ASCC3: variants seen among roughly 807,000 people sequenced by gnomAD.
ASCC3 encodes activating signal cointegrator 1 complex subunit 3, also known as ASC-1 complex subunit P200.
In ASCC3, 158 loss-of-function variants were observed where a neutral mutation model predicts 256.3. The observed-to-expected ratio is 0.62, with a 90% confidence interval of 0.54 to 0.70. The LOEUF (loss-of-function observed/expected upper bound fraction) is 0.70, where lower values mean the gene tolerates loss of function less well. Ranked by LOEUF, ASCC3 falls within the 30% of genes least tolerant of loss-of-function variation. The pLI, the probability that ASCC3 is intolerant of heterozygous loss-of-function variation, is 0.00. For missense variants in ASCC3, 2,259 were observed against 2,626.0 expected, an observed-to-expected ratio of 0.86 and a Z score of 3.05; for synonymous variants, 948 against 883.4, an observed-to-expected ratio of 1.07 and a Z score of -1.30.
intron 37 of ASCC3, among the ~76,000 whole-genome samples, chr6:100,520,570 A>T (rs1169987698): frequency 2.6e-5 from 4 of 152,144 alleles, no homozygotes; most frequent in Non-Finnish European, 5.9e-5. Context: ...GGTACAGTCA[A>T]GCACCACATA....
At chr6:100,880,515 A>C (rs2114583995) in intron 1 of ASCC3, among the ~76,000 whole-genome samples, 1 of 152,308 alleles carries the variant, frequency 6.6e-6, no homozygotes, top group East Asian at 1.9e-4. Flanking sequence ...TAAGAAACCT[A>C]TTTGAAATGA....
At chr6:100,831,268 T>C (rs1263503124) in intron 4 of ASCC3, among the ~76,000 whole-genome samples, 2 of 151,120 alleles carry the variant, frequency 1.3e-5, no homozygotes, top group East Asian at 3.9e-4. Context: ...ACTGGTATTA[T>C]CAATTAAAAT....
intron 4 of ASCC3, among the ~76,000 whole-genome samples, chr6:100,821,092 C>T (rs1210201736): frequency 6.6e-6 from 1 of 152,126 alleles, no homozygotes; most frequent in Admixed American, 6.5e-5. Context: ...TACAGTGGTA[C>T]AATCATGGCT....
At chr6:100,707,970 G>T (rs1402904958) in intron 13 of ASCC3, among the ~76,000 whole-genome samples, 1 of 151,946 alleles carries the variant, frequency 6.6e-6, no homozygotes, top group Non-Finnish European at 1.5e-5. Context: ...ACCCCACCTG[G>T]ATTTTCTCTC....
At chr6:100,681,603 T>C (rs1044370438) in intron 13 of ASCC3, among the ~76,000 whole-genome samples, 3 of 151,028 alleles carry the variant, frequency 2.0e-5, no homozygotes, top group African/African-American at 7.3e-5. Flanking sequence ...GGTGCGTGCC[T>C]GTAATCTCAG....
At chr6:100,734,025 C>T (rs571720576) in intron 10 of ASCC3, among the ~76,000 whole-genome samples, 1 of 152,228 alleles carries the variant, frequency 6.6e-6, no homozygotes, top group East Asian at 1.9e-4. Context: ...GTTGTCAGAG[C>T]GAGTTGTCCA....
intron 33 of ASCC3, among the ~76,000 whole-genome samples, chr6:100,602,689 G>A (rs969558276): frequency 1.2e-4 from 18 of 152,024 alleles, no homozygotes; most frequent in African/African-American, 4.1e-4. Flanking sequence ...AAATATTAAA[G>A]TCCCTAGTCA....
At chr6:100,536,330 T>TA (rs1444406627) in intron 37 of ASCC3, among the ~76,000 whole-genome samples, 1 of 152,116 alleles carries the variant, frequency 6.6e-6, no homozygotes, top group African/African-American at 2.4e-5. Context: ...GAATGATAAA[T>TA]ATAGATGTTT....
At chr6:100,601,764 T>A in intron 34 of ASCC3, 46 bp downstream of exon 34, 1 of 1,604,660 alleles carries the variant, frequency 6.2e-7, no homozygotes, top group Non-Finnish European at 8.5e-7. Context: ...AAATATGTCT[T>A]ATTTCGGGGC....
chr6:100,580,358 G>A (rs1771151087), intron 36 of ASCC3, among the ~76,000 whole-genome samples: 1 of 151,958 alleles, frequency 6.6e-6, no homozygotes, highest in East Asian at 1.9e-4. Context: ...GGTACCATCA[G>A]TTAGGACTAG....
At chr6:100,763,737 T>C (rs1781517978) in intron 10 of ASCC3, among the ~76,000 whole-genome samples, 1 of 152,178 alleles carries the variant, frequency 6.6e-6, no homozygotes, top group East Asian at 1.9e-4. Flanking sequence ...TACCCACAAA[T>C]TGTGTTTGCT....
At chr6:100,704,452 T>C (rs1290923250) in intron 13 of ASCC3, among the ~76,000 whole-genome samples, 2 of 151,982 alleles carry the variant, frequency 1.3e-5, no homozygotes, top group Non-Finnish European at 2.9e-5. Context: ...ATAAACTTTA[T>C]AGGCAAAGGG....
intron 34 of ASCC3, among the ~76,000 whole-genome samples, chr6:100,593,550 T>G (rs1772116011): frequency 6.6e-6 from 1 of 152,166 alleles, no homozygotes; most frequent in Non-Finnish European, 1.5e-5. Flanking sequence ...ATAGATAAAG[T>G]TACACCAAAC....
chr6:100,819,280 G>A (rs758865930), intron 4 of ASCC3, among the ~76,000 whole-genome samples: 7 of 151,952 alleles, frequency 4.6e-5, no homozygotes, highest in Admixed American at 3.9e-4. Context: ...AAACCTACAC[G>A]TTGTGCACAT....
chr6:100,588,988 A>G (rs1771848792), intron 36 of ASCC3, among the ~76,000 whole-genome samples: 1 of 152,176 alleles, frequency 6.6e-6, no homozygotes. Flanking sequence ...GTTTTGTGGT[A>G]AATTATTACA....
At chr6:100,858,497 A>C in intron 3 of ASCC3, 1 of 806,262 alleles carries the variant, frequency 1.2e-6, no homozygotes, top group East Asian at 1.3e-4. Flanking sequence ...TTCTATTCCT[A>C]GTTTGCTGAG....
chr6:100,775,430 T>A (rs1161702641), intron 8 of ASCC3, among the ~76,000 whole-genome samples: 2 of 152,034 alleles, frequency 1.3e-5, no homozygotes, highest in Non-Finnish European at 2.9e-5. Flanking sequence ...GTTAAATAAC[T>A]TACCCAAGTC....
intron 34 of ASCC3, among the ~76,000 whole-genome samples, chr6:100,599,773 T>A (rs1772502824): frequency 6.6e-6 from 1 of 152,144 alleles, no homozygotes; most frequent in African/African-American, 2.4e-5. Flanking sequence ...CAGAGAATTA[T>A]GTCTCTGTGT....
intron 39 of ASCC3, among the ~76,000 whole-genome samples, chr6:100,513,427 T>C (rs1265825422): frequency 1.3e-5 from 2 of 152,188 alleles, no homozygotes; most frequent in Admixed American, 1.3e-4. Flanking sequence ...GACATTCACA[T>C]GGCTTCTAAG....
Sources: gnomAD v4.1 joint callset for allele counts (sites outside exome capture counted in the v4.1 genomes callset) on GRCh38, gnomAD v4.1.1 for gene constraint, MANE v1.5 for transcripts, NCBI Gene and HGNC (gene_info 2026-07-23, HGNC 2026-07-21) for gene names.